ARHGAP29: variants seen among roughly 807,000 people sequenced by gnomAD.
ARHGAP29 encodes the protein rho GTPase-activating protein 29.
A neutral mutation model predicts 122.6 loss-of-function variants in ARHGAP29; 43 were observed. The ratio of observed to expected loss-of-function variants is 0.35; its 90% CI spans 0.27 to 0.45. The LOEUF is 0.45. Among genes scored for constraint, ARHGAP29 ranks in the 20% least tolerant of loss-of-function variants. The pLI is 1.00. For synonymous variants in ARHGAP29, 506 were observed against 497.1 expected, an observed-to-expected ratio of 1.02 and a Z score of -0.24; for missense variants, 1,303 against 1,477.2, an observed-to-expected ratio of 0.88 and a Z score of 1.93.
chr1:94,181,429 G>C (rs866746371), intron 19 of ARHGAP29, among the ~76,000 whole-genome samples: 1 of 152,142 alleles, frequency 6.6e-6, no homozygotes, highest in African/African-American at 2.4e-5. Context: ...TCTGAAAATG[G>C]GGATTTAGTG....
rs936996213 is a variant in ARHGAP29 at position 94,172,445 on chromosome 1, T to G, written c.*1424A>C. On this transcript the variant is annotated 3_prime_UTR_variant, in exon 23 of 23. Coordinates refer to ENST00000260526, the MANE Select transcript of ARHGAP29 (RefSeq NM_004815.4). ...TTGCTCCCTAGACCTTTACATCACA[T>G]AGAACTATAAAACAGGTTTCCATAA... is the stretch of plus-strand genomic sequence containing the variant. The G allele has an allele frequency of 6.6e-6, 1 of 152,032 alleles. No individual in the cohort carries two copies. The highest frequency in any genetic ancestry group is 1.5e-5 in the Non-Finnish European group (1 of 67,990). The allele number at this position is 152,032 out of a possible 1,614,324, so 9.4% of individuals were successfully genotyped here. A position where few individuals can be genotyped will look rare whatever the true frequency, so the allele number is the denominator to read the frequency against.
intron 3 of ARHGAP29, among the ~76,000 whole-genome samples, chr1:94,217,226 TAGTC>T (rs1017220195): frequency 1.3e-5 from 2 of 152,142 alleles, no homozygotes; most frequent in Non-Finnish European, 2.9e-5. Context: ...TTTTTAAACA[TAGTC>T]AGAGTTAAAA....
At chr1:94,187,876 A>G (rs765183853) in intron 15 of ARHGAP29, among the ~76,000 whole-genome samples, 6 of 152,170 alleles carry the variant, frequency 3.9e-5, no homozygotes, top group Non-Finnish European at 7.4e-5. Context: ...GAAGGCAGCA[A>G]AGTGGCAGGT....
In ARHGAP29 at chr1:94,173,778, A is replaced by C; in HGVS notation, c.*91T>G. The C allele has an allele frequency of 1.4e-6, 2 of 1,463,992 alleles. No individual in the cohort carries two copies. Among genetic ancestry groups the C allele is most frequent in the Non-Finnish European group, 1.8e-6 (2 of 1,094,824 alleles). 90.7% of individuals were successfully genotyped at this position (1,463,992 alleles called of 1,614,324 possible). A position where few individuals can be genotyped will look rare whatever the true frequency, so the allele number is the denominator to read the frequency against. On this transcript the variant is annotated 3_prime_UTR_variant, in exon 23 of 23. Coordinates refer to ENST00000260526, the MANE Select transcript of ARHGAP29 (RefSeq NM_004815.4). ...CCCATGATTTGGCAGTCCTATACAA[A>C]AGAGGCCCTGTCAAAACATTCTTTC...
At chr1:94,267,634 A>G (rs542577951) in intron 1 of ARHGAP29, among the ~76,000 whole-genome samples, 3 of 152,262 alleles carry the variant, frequency 2.0e-5, no homozygotes, top group East Asian at 3.9e-4. Flanking sequence ...TTGTGGAAAG[A>G]TAGCATAACA....
the ARHGAP29 span, among the ~76,000 whole-genome samples, chr1:94,312,374 T>G: frequency 7.0e-6 from 1 of 142,750 alleles, no homozygotes; most frequent in Non-Finnish European, 1.5e-5. Flanking sequence ...TTTTTTTTTT[T>G]GAGTGGTTTT....
At position 94,237,567 on chromosome 1, in the gene ARHGAP29, A is replaced by G. The variant is rs1410705727; in HGVS notation, c.-185T>C. The G allele has an allele frequency of 2.0e-6, 2 of 991,620 alleles. No individual in the cohort carries two copies. The highest frequency in any genetic ancestry group is 1.1e-4 in the East Asian group (1 of 9,006). 61.4% of individuals were successfully genotyped at this position (991,620 alleles called of 1,614,324 possible). On this transcript the variant is annotated 5_prime_UTR_variant, in exon 1 of 23. Coordinates refer to ENST00000260526, the MANE Select transcript of ARHGAP29 (RefSeq NM_004815.4). ...CGCAGCCGCAGCCGCAGCCACAGCC[A>G]CAGGCACCACCACCACTGCAGCCGC...
chr1:94,179,870 T>A lies in ARHGAP29; in HGVS notation c.2335A>T (p.Thr779Ser). The A allele has an allele frequency of 6.2e-7, 1 of 1,613,368 alleles. No homozygotes were observed. The highest frequency in any genetic ancestry group is 8.5e-7 in the Non-Finnish European group (1 of 1,179,658). Reference protein sequence around the residue: ...EIQHVNEEQETKKNSLEDKKW... With the variant: ...EIQHVNEEQESKKNSLEDKKW... ...TTGTCTTCAAGACTATTCTTTTTTG[T>A]CTCTTGTTCTTCATTTACATGTTGG... is the stretch of plus-strand genomic sequence containing the variant. Residue 779 changes from threonine to serine, a missense_variant, in exon 20 of 23, where the codon ACA becomes TCA. Thr to Ser is a moderately conservative substitution (Grantham distance 58). Around this residue, in one of 3 missense-constraint regions of ARHGAP29, gnomAD observed 620 missense variants for 651.2 expected, o/e 0.95. Transcript: ENST00000260526.
At position 94,204,951 on chromosome 1, in the gene ARHGAP29, T is replaced by C. The variant is rs536978858; in HGVS notation, c.697+110A>G. ...TTCTGGATAATGGTTTTATTCATTATAATGAAACAGGTACTAATTTGGAAT... is the reference window on the plus strand; with the variant it reads ...TTCTGGATAATGGTTTTATTCATTACAATGAAACAGGTACTAATTTGGAAT... On this transcript the variant is annotated intron_variant, in intron 7 of 22. Transcript: ENST00000260526. 4.7e-6 allele frequency: 5 copies of C among 1,069,872 alleles called. No homozygotes were observed. The African/African-American group carries it at 6.6e-5, about 14-fold the overall frequency. 66.3% of individuals were successfully genotyped at this position (1,069,872 alleles called of 1,614,324 possible). A position where few individuals can be genotyped will look rare whatever the true frequency, so the allele number is the denominator to read the frequency against.
intron 12 of ARHGAP29, 133 bp from the exon 13 acceptor site, chr1:94,190,216 C>T (rs1650054682): frequency 3.4e-6 from 3 of 878,900 alleles, no homozygotes; most frequent in Middle Eastern, 2.3e-4. Flanking sequence ...TCACTCTGAA[C>T]ATACTATGAT....
chr1:94,202,220 A>G (rs532149418), intron 11 of ARHGAP29: 1 of 496,132 alleles, frequency 2.0e-6, no homozygotes, highest in African/African-American at 2.0e-5. Context: ...TAGTACACAT[A>G]CACACACACA....
In ARHGAP29 at chr1:94,174,066, C is replaced by T. The variant is rs964179875; in HGVS notation, c.3589G>A (p.Asp1197Asn). ...GACTTCACCACGAGACCGTGGGGAT[C>T]GTGATCTGTGCCAGGAGGCACTGCT... Reference protein sequence around the residue: ...SAAVPPGTDHDPHGLVVKSMP... With the variant: ...SAAVPPGTDHNPHGLVVKSMP... Residue 1197 changes from aspartate (D) to asparagine (N), a missense_variant, in exon 23 of 23, where the codon GAT becomes AAT. Around this residue, in one of 3 missense-constraint regions of ARHGAP29, gnomAD observed 620 missense variants for 651.2 expected, o/e 0.95. Coordinates refer to ENST00000260526, the MANE Select transcript of ARHGAP29 (RefSeq NM_004815.4). The T allele has an allele frequency of 9.3e-6, 15 of 1,614,180 alleles. No individual in the cohort carries two copies. Among genetic ancestry groups the T allele is most frequent in the South Asian group, 5.5e-5 (5 of 91,078 alleles).
chr1:94,231,286 G>T, intron 2 of ARHGAP29, 121 bp downstream of exon 2: 1 of 753,190 alleles, frequency 1.3e-6, no homozygotes, highest in Non-Finnish European at 2.1e-6. Flanking sequence ...GGGGAAAAAA[G>T]CACTAAAATA....
rs765586398 is a variant in ARHGAP29, at chr1:94,178,006, T to G, written c.2642A>C (p.Tyr881Ser). 1.2e-6 allele frequency: 2 copies of G among 1,614,102 alleles called. No individual in the cohort carries two copies. The highest frequency in any genetic ancestry group is 1.7e-6 in the Non-Finnish European group (2 of 1,180,008). The change falls in exon 21 of 23, where the codon TAC becomes TCC. Residue 881 changes from tyrosine to serine, a missense_variant. By Grantham distance (144) the Tyr-to-Ser change is moderately radical. Transcript: ENST00000260526. Reference protein sequence around the residue: ...QARLVEFLITYSQKIFDGSLQ... With the variant: ...QARLVEFLITSSQKIFDGSLQ... Reference sequence around the variant, plus strand: ...GGACCCATCGAAGATCTTCTGTGAGTAAGTAATGAGAAACTCTACCAAGCG... The same window carrying G: ...GGACCCATCGAAGATCTTCTGTGAGGAAGTAATGAGAAACTCTACCAAGCG...
intron 1 of ARHGAP29, among the ~76,000 whole-genome samples, chr1:94,269,459 G>C (rs1173326651): frequency 6.6e-6 from 1 of 152,170 alleles, no homozygotes; most frequent in African/African-American, 2.4e-5. Context: ...CCACTGCCAA[G>C]TTCACCCTGA....
chr1:94,240,301 T>A (rs543325882), upstream of ARHGAP29, among the ~76,000 whole-genome samples: 1 of 152,300 alleles, frequency 6.6e-6, no homozygotes, highest in African/African-American at 2.4e-5. Context: ...ATCCTCCTCT[T>A]AAACCTTTAA....
At chr1:94,223,802 C>T (rs1652460650) in intron 2 of ARHGAP29, among the ~76,000 whole-genome samples, 2 of 151,462 alleles carry the variant, frequency 1.3e-5, no homozygotes, top group Non-Finnish European at 2.9e-5. Flanking sequence ...AATTATAAAA[C>T]CTTCCCTTTT....
chr1:94,255,764 G>A (rs1234181726), intron 1 of ARHGAP29, among the ~76,000 whole-genome samples: 3 of 152,178 alleles, frequency 2.0e-5, no homozygotes, highest in East Asian at 1.9e-4. Flanking sequence ...AGATTGATTC[G>A]TTTCTGCTCA....
chr1:94,259,991 T>C (rs1349008354), intron 1 of ARHGAP29, among the ~76,000 whole-genome samples: 1 of 152,178 alleles, frequency 6.6e-6, no homozygotes, highest in Non-Finnish European at 1.5e-5. Context: ...CAAAAGTCTC[T>C]ACGGAGTTTC....
Sources: allele counts gnomAD v4.1 joint callset (sites outside exome capture counted in the v4.1 genomes callset), GRCh38; gene constraint gnomAD v4.1.1; regional missense constraint gnomAD v4.1.1; transcripts MANE v1.5; gene names NCBI Gene and HGNC (gene_info 2026-07-23, HGNC 2026-07-21).